SNTG1: variants seen among roughly 807,000 people sequenced by gnomAD.
SNTG1 encodes the protein gamma-1-syntrophin.
A neutral mutation model predicts 74.7 loss-of-function variants in SNTG1; 39 were observed. That is an observed-to-expected ratio of 0.52 (90% CI 0.40 to 0.68). SNTG1 has a LOEUF of 0.68. Among genes scored for constraint, SNTG1 ranks in the 30% least tolerant of loss-of-function variants. The probability of loss-of-function intolerance (pLI) is 0.00; values close to 1 mark genes in which losing one functional copy is unlikely to be tolerated. For missense variants in SNTG1, 685 were observed against 609.5 expected, an observed-to-expected ratio of 1.12 and a Z score of -1.30; for synonymous variants, 254 against 217.1, an observed-to-expected ratio of 1.17 and a Z score of -1.49.
In SNTG1 at chr8:50,317,076, A is replaced by G. The variant is rs545509340; in HGVS notation, c.-27-77136A>G. ...CAAGATAAATGGGGAGGAGAAGGAA[A>G]AGCTATTGGAGGTGCTTTTGATAAA... On this transcript the variant is annotated intron_variant, in intron 2 of 18. Transcript: ENST00000642720. 7.9e-5 allele frequency among the ~76,000 whole-genome samples: 12 copies of G among 152,268 alleles called. No homozygotes were observed. In the East Asian group the frequency reaches 2.3e-3, roughly 29 times the overall value.
intron 2 of SNTG1, among the ~76,000 whole-genome samples, chr8:50,267,520 G>A (rs922184695): frequency 6.6e-6 from 1 of 152,118 alleles, no homozygotes; most frequent in Non-Finnish European, 1.5e-5. Flanking sequence ...TACAGTTGGT[G>A]AGGTTGAGAA....
intron 8 of SNTG1, among the ~76,000 whole-genome samples, chr8:50,500,034 A>G (rs2093937719): frequency 6.6e-6 from 1 of 152,002 alleles, no homozygotes; most frequent in African/African-American, 2.4e-5. Flanking sequence ...GTCTTAGCGT[A>G]GATTTATTTG....
Position 50,009,336 on chromosome 8 carries a change from A to T in SNTG1, c.-103+97105A>T, listed in dbSNP as rs114846838. On this transcript the variant is annotated intron_variant, in intron 1 of 18. Transcript: ENST00000642720. ...TATTGTGCATGATATAGGGATTGTT[A>T]TATAAGTACTACTCTTACGGGAATT... is the stretch of plus-strand genomic sequence containing the variant. Among the ~76,000 whole-genome samples the T allele has an allele frequency of 3.4e-3, 516 of 152,270 alleles. 1 individual carries two copies. Among genetic ancestry groups the T allele is most frequent in the African/African-American group, 0.012 (492 of 41,548 alleles).
chr8:50,710,878 C>T (rs1212769488), intron 17 of SNTG1, among the ~76,000 whole-genome samples: 2 of 152,178 alleles, frequency 1.3e-5, no homozygotes, highest in African/African-American at 2.4e-5. Context: ...CAGAGGCCTT[C>T]AGGAATAGTA....
intron 2 of SNTG1, among the ~76,000 whole-genome samples, chr8:50,206,388 A>ATTGTCTGTTATTG (rs2084239212): frequency 6.6e-6 from 1 of 152,058 alleles, no homozygotes; most frequent in Admixed American, 6.6e-5. Flanking sequence ...TTGGTGTGTA[A>ATTGTCTGTTATTG]GAATGCTTGT....
In SNTG1 at chr8:50,286,038, T is replaced by C. The variant is rs550685979; in HGVS notation, c.-27-108174T>C. Among the ~76,000 whole-genome samples the C allele has an allele frequency of 6.6e-5, 10 of 152,304 alleles. 1 individual carries two copies. The South Asian group carries it at 2.1e-3, about 32-fold the overall frequency. On this transcript the variant is annotated intron_variant, in intron 2 of 18. Transcript: ENST00000642720. ...AACCCTTCTATTCTACCATTTATTTTATTCTAACATTATATACACATGTTT... is the reference window on the plus strand; with the variant it reads ...AACCCTTCTATTCTACCATTTATTTCATTCTAACATTATATACACATGTTT...
At chr8:50,063,144 C>T (rs1820617606) in intron 1 of SNTG1, among the ~76,000 whole-genome samples, 1 of 152,204 alleles carries the variant, frequency 6.6e-6, no homozygotes, top group Non-Finnish European at 1.5e-5. Flanking sequence ...TGAATTTATT[C>T]AAGTCTGGAG....
At chr8:50,218,919 T>C (rs1205606983) in intron 2 of SNTG1, among the ~76,000 whole-genome samples, 7 of 152,164 alleles carry the variant, frequency 4.6e-5, no homozygotes, top group Non-Finnish European at 1.0e-4. Flanking sequence ...GCCTCCTTGA[T>C]CCTCCATAGC....
rs142977173 is a variant in SNTG1 at position 50,542,043 on chromosome 8, T to C, written c.680+5235T>C. Among the ~76,000 whole-genome samples the C allele has an allele frequency of 4.0e-3, 600 of 149,610 alleles. 1 individual carries two copies. The highest frequency in any genetic ancestry group is 5.9e-3 in the Non-Finnish European group (398 of 67,572). On this transcript the variant is annotated intron_variant, in intron 11 of 18. Coordinates refer to ENST00000642720, the MANE Select transcript of SNTG1 (RefSeq NM_018967.5). ...TGAATAATATTTTATTGCATATGTA[T>C]ATATACATATATATATGAATGTAGT...
intron 1 of SNTG1, among the ~76,000 whole-genome samples, chr8:49,961,462 A>G (rs1810677489): frequency 6.6e-6 from 1 of 152,216 alleles, no homozygotes; most frequent in African/African-American, 2.4e-5. Context: ...CTTAAACATA[A>G]TCATTCTTGC....
intron 1 of SNTG1, among the ~76,000 whole-genome samples, chr8:49,957,284 C>T (rs1810263860): frequency 6.6e-6 from 1 of 152,198 alleles, no homozygotes; most frequent in Non-Finnish European, 1.5e-5. Context: ...GCAACATCAG[C>T]AAAATGCCAT....
At chr8:49,964,927 A>G (rs1204778295) in intron 1 of SNTG1, among the ~76,000 whole-genome samples, 6 of 152,328 alleles carry the variant, frequency 3.9e-5, no homozygotes, top group Middle Eastern at 3.4e-3. Flanking sequence ...TTATCAAACC[A>G]CATTAGAAAT....
chr8:50,621,936 C>T (rs943712055), intron 13 of SNTG1, among the ~76,000 whole-genome samples: 1 of 152,164 alleles, frequency 6.6e-6, no homozygotes, highest in African/African-American at 2.4e-5. Context: ...TTTCTGTCTT[C>T]TTTCCTCTGC....
intron 15 of SNTG1, among the ~76,000 whole-genome samples, chr8:50,659,511 G>A (rs889937880): frequency 3.3e-5 from 5 of 152,106 alleles, no homozygotes; most frequent in Non-Finnish European, 5.9e-5. Flanking sequence ...ATAATAAAAT[G>A]CATCAAAAGT....
chr8:50,336,775 C>T (rs868619745), intron 2 of SNTG1, among the ~76,000 whole-genome samples: 24 of 152,200 alleles, frequency 1.6e-4, no homozygotes, highest in African/African-American at 5.1e-4. Flanking sequence ...CTTGACCTTG[C>T]TGTGTGCTAG....
intron 2 of SNTG1, among the ~76,000 whole-genome samples, chr8:50,343,916 C>T (rs2091394241): frequency 6.6e-6 from 1 of 152,082 alleles, no homozygotes; most frequent in Non-Finnish European, 1.5e-5. Flanking sequence ...AATGTGCCTG[C>T]TTCCCAGGCT....
At chr8:50,086,689 ATG>A (rs1822919260) in intron 1 of SNTG1, among the ~76,000 whole-genome samples, 1 of 152,120 alleles carries the variant, frequency 6.6e-6, no homozygotes, top group Non-Finnish European at 1.5e-5. Context: ...AATCAACTGA[ATG>A]TTCATAACTA....
chr8:50,013,828 A>G (rs2035528), intron 1 of SNTG1, among the ~76,000 whole-genome samples: 71,419 of 151,948 alleles, frequency 0.47, 19,845 homozygotes, highest in Non-Finnish European at 0.59. Flanking sequence ...CAGGGATTTT[A>G]TAAATACCCA....
At chr8:50,010,839 A>C (rs1270415560) in intron 1 of SNTG1, among the ~76,000 whole-genome samples, 1 of 112,940 alleles carries the variant, frequency 8.9e-6, no homozygotes, top group Non-Finnish European at 1.7e-5. Context: ...GGAGGAAGTT[A>C]GTTACTGTTG....
Sources: allele counts gnomAD v4.1 joint callset (sites outside exome capture counted in the v4.1 genomes callset), GRCh38; gene constraint gnomAD v4.1.1; transcripts MANE v1.5; gene names NCBI Gene and HGNC (gene_info 2026-07-23, HGNC 2026-07-21).